The following PLXDC2 variants were observed in gnomAD, a reference collection of about 807,000 sequenced individuals.
PLXDC2 encodes the protein plexin domain-containing protein 2.
Under a neutral mutation model 68.9 loss-of-function variants are expected in PLXDC2, and 40 were observed. The ratio of observed to expected loss-of-function variants is 0.58; its 90% confidence interval spans 0.45 to 0.76. The LOEUF is 0.76. Among genes scored for constraint, PLXDC2 ranks in the 30% least tolerant of loss-of-function variants. The pLI is 0.00. For synonymous variants in PLXDC2, 243 were observed against 234.2 expected (o/e 1.04, Z -0.34); for missense variants, 644 against 661.9 (o/e 0.97, Z 0.30).
intron 3 of PLXDC2, among the ~76,000 whole-genome samples, chr10:20,050,727 A>C (rs1835884291): frequency 6.6e-6 from 1 of 150,808 alleles, no homozygotes; most frequent in South Asian, 2.1e-4. Context: ...CAAACAAACA[A>C]AAAAAAACAG....
chr10:20,090,716 C>T (rs763309033), intron 4 of PLXDC2, among the ~76,000 whole-genome samples: 8 of 152,010 alleles, frequency 5.3e-5, no homozygotes, highest in South Asian at 4.1e-4. Context: ...ATGTTGTACA[C>T]GACTTGCACA....
chr10:19,874,138 T>C lies in PLXDC2; in HGVS notation c.112+56947T>C, dbSNP rs1336046253. Among the ~76,000 whole-genome samples, 76 of 152,190 alleles carry C rather than the reference T, an allele frequency of 5.0e-4. 1 individual carries two copies. The highest frequency in any genetic ancestry group is 5.0e-3 in the Admixed American group (76 of 15,270). On this transcript the variant is annotated intron_variant, in intron 1 of 13. Transcript: ENST00000377252. ...CAACACTTACGATCACAGTGGATTGTCTCTGTTACTCCTGCCAATGAAATC... is the reference window on the plus strand; with the variant it reads ...CAACACTTACGATCACAGTGGATTGCCTCTGTTACTCCTGCCAATGAAATC...
intron 1 of PLXDC2, among the ~76,000 whole-genome samples, chr10:19,930,286 A>G (rs891700275): frequency 7.9e-5 from 12 of 152,208 alleles, no homozygotes; most frequent in Non-Finnish European, 1.5e-4. Context: ...AGTAGCAAAC[A>G]TTTATTGATT....
intron 1 of PLXDC2, among the ~76,000 whole-genome samples, chr10:19,952,106 C>T (rs1360304610): frequency 6.6e-6 from 1 of 152,136 alleles, no homozygotes; most frequent in African/African-American, 2.4e-5. Context: ...GCCATATACC[C>T]TTGTAGCAAT....
chr10:20,080,055 A>G (rs1208555287), intron 4 of PLXDC2, among the ~76,000 whole-genome samples: 2 of 152,228 alleles, frequency 1.3e-5, no homozygotes, highest in Non-Finnish European at 2.9e-5. Context: ...TCATTTAAGA[A>G]AAAGAGAACT....
intron 4 of PLXDC2, among the ~76,000 whole-genome samples, chr10:20,099,439 CTT>C (rs1833393742): frequency 6.6e-6 from 1 of 152,186 alleles, no homozygotes; most frequent in African/African-American, 2.4e-5. Context: ...TTTTAAAAAT[CTT>C]CCACCTACCA....
intron 13 of PLXDC2, among the ~76,000 whole-genome samples, chr10:20,245,818 C>T (rs1046156280): frequency 3.3e-5 from 5 of 152,114 alleles, no homozygotes; most frequent in Admixed American, 1.3e-4. Flanking sequence ...CAGCTGTTCT[C>T]CTTGTTCTAG....
intron 9 of PLXDC2, among the ~76,000 whole-genome samples, chr10:20,189,385 T>G (rs1459482204): frequency 6.7e-6 from 1 of 148,862 alleles, no homozygotes; most frequent in Non-Finnish European, 1.5e-5. Flanking sequence ...ATCAGATCTT[T>G]GAAAGATTTG....
intron 6 of PLXDC2, among the ~76,000 whole-genome samples, chr10:20,148,141 TTGAG>T (rs2131798046): frequency 6.6e-6 from 1 of 152,312 alleles, no homozygotes; most frequent in African/African-American, 2.4e-5. Flanking sequence ...CATAAAATTA[TTGAG>T]TAATTATATT....
intron 2 of PLXDC2, among the ~76,000 whole-genome samples, chr10:20,028,650 C>G (rs1379179005): frequency 1.3e-5 from 2 of 152,114 alleles, no homozygotes; most frequent in African/African-American, 4.8e-5. Flanking sequence ...TCTGAGTGCT[C>G]CTCTCCCTCT....
intron 1 of PLXDC2, among the ~76,000 whole-genome samples, chr10:19,978,604 G>T (rs886936081): frequency 1.3e-5 from 2 of 152,208 alleles, no homozygotes; most frequent in African/African-American, 2.4e-5. Flanking sequence ...GCAGAATTCA[G>T]TGTTACTAAT....
chr10:20,023,254 C>G (rs1835343650), intron 2 of PLXDC2, among the ~76,000 whole-genome samples: 1 of 151,730 alleles, frequency 6.6e-6, no homozygotes, highest in South Asian at 2.1e-4. Context: ...TGGGTCTTAC[C>G]AAGTTATCCT....
chr10:20,045,005 G>A (rs1835772908), intron 2 of PLXDC2, among the ~76,000 whole-genome samples: 1 of 152,112 alleles, frequency 6.6e-6, no homozygotes, highest in African/African-American at 2.4e-5. Flanking sequence ...CTGAAACAGA[G>A]GGAGGGCTGG....
intron 6 of PLXDC2, among the ~76,000 whole-genome samples, chr10:20,150,507 A>G (rs1468793680): frequency 1.3e-5 from 2 of 152,126 alleles, no homozygotes; most frequent in African/African-American, 2.4e-5. Flanking sequence ...TTTTTATGTC[A>G]CACTCCCTGG....
intron 13 of PLXDC2, among the ~76,000 whole-genome samples, chr10:20,278,620 A>T (rs1405744636): frequency 1.3e-5 from 2 of 151,190 alleles, no homozygotes; most frequent in Non-Finnish European, 3.0e-5. Flanking sequence ...AATTACCTTC[A>T]TTTTTTTTTA....
chr10:19,910,168 T>TTATATATA (rs3043811), intron 1 of PLXDC2, among the ~76,000 whole-genome samples: 42 of 145,260 alleles, frequency 2.9e-4, no homozygotes, highest in African/African-American at 6.1e-4. Context: ...TTGTACACTT[T>TTATATATA]TATATATATA....
At chr10:20,109,275 G>A (rs1833528613) in intron 4 of PLXDC2, among the ~76,000 whole-genome samples, 2 of 152,192 alleles carry the variant, frequency 1.3e-5, no homozygotes, top group South Asian at 4.1e-4. Flanking sequence ...GTTGCACATT[G>A]TCTCAATGAC....
rs544964825 is a variant in PLXDC2, at chr10:19,850,711, C to G, written c.112+33520C>G. On this transcript the variant is annotated intron_variant, in intron 1 of 13. Coordinates refer to ENST00000377252, the MANE Select transcript of PLXDC2 (RefSeq NM_032812.9). ...CATTTTAAATAAAATATCCTGTACACTGCACTTTAGGAAAGACATGAATTT... is the reference window on the plus strand; with the variant it reads ...CATTTTAAATAAAATATCCTGTACAGTGCACTTTAGGAAAGACATGAATTT... Among the ~76,000 whole-genome samples the G allele has an allele frequency of 2.6e-5, 4 of 152,244 alleles. No individual in the cohort carries two copies. The South Asian group carries it at 8.3e-4, about 32-fold the overall frequency.
chr10:19,842,754 T>C (rs1480718528), intron 1 of PLXDC2, among the ~76,000 whole-genome samples: 6 of 152,334 alleles, frequency 3.9e-5, no homozygotes, highest in African/African-American at 1.4e-4. Context: ...AACTTGTGGA[T>C]AGACTTTTCC....
Sources: gnomAD v4.1 joint callset for allele counts (sites outside exome capture counted in the v4.1 genomes callset) on GRCh38, gnomAD v4.1.1 for gene constraint, MANE v1.5 for transcripts, NCBI Gene and HGNC (gene_info 2026-07-23, HGNC 2026-07-21) for gene names.